Variants in XPR1 observed in about 807,000 individuals in gnomAD.
XPR1 encodes the protein solute carrier family 53 member 1.
Under a neutral mutation model 87.5 loss-of-function variants are expected in XPR1, and 28 were observed. The ratio of observed to expected loss-of-function variants is 0.32; its 90% CI spans 0.24 to 0.44. The LOEUF (loss-of-function observed/expected upper bound fraction) is 0.44. Among genes scored for constraint, XPR1 ranks in the 20% least tolerant of loss-of-function variants. The probability of loss-of-function intolerance (pLI) is 1.00; values close to 1 mark genes in which losing one functional copy is unlikely to be tolerated. For missense variants in XPR1, 559 were observed against 862.3 expected (o/e 0.65, Z 4.41); for synonymous variants, 300 against 306.1 (o/e 0.98, Z 0.21).
rs760157954 is a variant in XPR1, at chr1:180,836,737, A to C, written c.1501+21A>C. On this transcript the variant is annotated intron_variant, in intron 11 of 14. Transcript: ENST00000367590. ...CAAAGGTATTCTGTGATTGACTCTG[A>C]AGAGATTTTTTTAAACCTGGATTTT... 9.3e-6 allele frequency: 15 copies of C among 1,610,620 alleles called. No individual in the cohort carries two copies. In the Admixed American group the frequency reaches 1.8e-4, roughly 20 times the overall value.
chr1:180,861,245 C>T (rs1207671800), intron 11 of XPR1, among the ~76,000 whole-genome samples: 2 of 151,936 alleles, frequency 1.3e-5, no homozygotes, highest in Non-Finnish European at 2.9e-5. Context: ...ACCTTACATT[C>T]AGTTTTTTTA....
chr1:180,756,508 G>C (rs1214276038), intron 2 of XPR1, among the ~76,000 whole-genome samples: 4 of 152,072 alleles, frequency 2.6e-5, no homozygotes, highest in African/African-American at 9.7e-5. Flanking sequence ...TGCATTATAA[G>C]AGTTCCTTAT....
intron 2 of XPR1, among the ~76,000 whole-genome samples, chr1:180,742,057 TTTTG>T (rs1191748917): frequency 2.0e-5 from 3 of 152,132 alleles, no homozygotes; most frequent in Admixed American, 6.5e-5. Flanking sequence ...GCTTGAGTTT[TTTTG>T]TTTGTTTTTT....
At chr1:180,804,131 G>A (rs6688066) in intron 4 of XPR1, among the ~76,000 whole-genome samples, 2,557 of 151,954 alleles carry the variant, frequency 0.017, 80 homozygotes, top group African/African-American at 0.056. Context: ...GATTACAGGC[G>A]CACGCCACCA....
chr1:180,674,709 T>C (rs1454692122), intron 1 of XPR1, among the ~76,000 whole-genome samples: 3 of 152,164 alleles, frequency 2.0e-5, no homozygotes, highest in Non-Finnish European at 4.4e-5. Context: ...TTAGTTTTCA[T>C]ACACATTGTC....
intron 2 of XPR1, among the ~76,000 whole-genome samples, chr1:180,785,373 G>T (rs756539420): frequency 6.6e-6 from 1 of 151,988 alleles, no homozygotes; most frequent in Non-Finnish European, 1.5e-5. Context: ...GGTCAGGCTG[G>T]TCTCGAACTC....
At chr1:180,704,272 A>ATATATATATATATT (rs1158094712) in intron 2 of XPR1, among the ~76,000 whole-genome samples, 1 of 140,806 alleles carries the variant, frequency 7.1e-6, no homozygotes, top group African/African-American at 2.6e-5. Flanking sequence ...ATATATATAT[A>ATATATATATATATT]TATATTATCA....
chr1:180,794,548 CAGTT>C (rs1482866417), intron 3 of XPR1, among the ~76,000 whole-genome samples: 1 of 152,150 alleles, frequency 6.6e-6, no homozygotes, highest in East Asian at 1.9e-4. Context: ...TAGTATTTTA[CAGTT>C]ATGCAAAGTA....
At chr1:180,658,473 G>GT (rs1443093318) in intron 1 of XPR1, among the ~76,000 whole-genome samples, 1 of 152,026 alleles carries the variant, frequency 6.6e-6, no homozygotes, top group Non-Finnish European at 1.5e-5. Context: ...TCTATACCGA[G>GT]TTTTTTGAGG....
chr1:180,762,956 G>A (rs111405659), intron 2 of XPR1, among the ~76,000 whole-genome samples: 65 of 152,044 alleles, frequency 4.3e-4, no homozygotes, highest in African/African-American at 1.1e-3. Flanking sequence ...GATCACCAGC[G>A]ACATTTTTTC....
At chr1:180,866,215 AAAAAAAACAAAAAC>A (rs201658371) in intron 12 of XPR1, among the ~76,000 whole-genome samples, 6,511 of 152,186 alleles carry the variant, frequency 0.043, 496 homozygotes, top group African/African-American at 0.15. Flanking sequence ...CTGTCTTAAA[AAAAAAAACAAAAAC>A]AAAAAACTAA....
At chr1:180,865,617 G>T (rs1652364518) in intron 12 of XPR1, among the ~76,000 whole-genome samples, 1 of 152,012 alleles carries the variant, frequency 6.6e-6, no homozygotes. Context: ...AGCCAGGATG[G>T]TCTCAGTCTC....
intron 9 of XPR1, among the ~76,000 whole-genome samples, chr1:180,834,533 T>A (rs80175548): frequency 0.017 from 2,559 of 152,350 alleles, 79 homozygotes; most frequent in African/African-American, 0.056. Flanking sequence ...CATAAACGTG[T>A]ATATTTTTAG....
rs761234483 is a variant in XPR1 at position 180,836,504 on chromosome 1, T to C, written c.1307-18T>C. ...ACTTTTTTTCAATGGTAATTTTTCT[T>C]CTTTGAAATCTTCACAGAATCAGGA... On this transcript the variant is annotated intron_variant, in intron 10 of 14. Transcript: ENST00000367590. 1.2e-6 allele frequency: 2 copies of C among 1,613,482 alleles called. No individual in the cohort carries two copies. Among genetic ancestry groups the C allele is most frequent in the African/African-American group, 2.7e-5 (2 of 74,888 alleles).
chr1:180,721,819 C>T (rs866841692), intron 2 of XPR1, among the ~76,000 whole-genome samples: 3 of 152,048 alleles, frequency 2.0e-5, no homozygotes, highest in East Asian at 1.9e-4. Context: ...ATTTTTCTTA[C>T]GACTTTCTTT....
At chr1:180,635,532 C>T (rs1321954353) in intron 1 of XPR1, among the ~76,000 whole-genome samples, 1 of 151,960 alleles carries the variant, frequency 6.6e-6, no homozygotes, top group Non-Finnish European at 1.5e-5. Context: ...TTCTCAGGAC[C>T]CAGGAATGAT....
chr1:180,849,166 A>G (rs1015773033), intron 11 of XPR1, among the ~76,000 whole-genome samples: 1 of 152,202 alleles, frequency 6.6e-6, no homozygotes, highest in Non-Finnish European at 1.5e-5. Context: ...TTTACATTCT[A>G]TTAGTCTGAT....
At chr1:180,828,602 A>G (rs1441529702) in intron 9 of XPR1, among the ~76,000 whole-genome samples, 1 of 152,244 alleles carries the variant, frequency 6.6e-6, no homozygotes, top group Non-Finnish European at 1.5e-5. Flanking sequence ...ACACATTTCT[A>G]TTATAAGAAT....
chr1:180,737,742 G>C (rs190950401), intron 2 of XPR1, among the ~76,000 whole-genome samples: 1 of 152,248 alleles, frequency 6.6e-6, no homozygotes, highest in East Asian at 1.9e-4. Flanking sequence ...TTTCCATACA[G>C]CATAACCCTC....
Sources: allele counts gnomAD v4.1 joint callset (sites outside exome capture counted in the v4.1 genomes callset), GRCh38; gene constraint gnomAD v4.1.1; transcripts MANE v1.5; gene names NCBI Gene and HGNC (gene_info 2026-07-23, HGNC 2026-07-21).